HSD17B12: variants seen among roughly 807,000 people sequenced by gnomAD.
HSD17B12 encodes the protein very-long-chain 3-oxoacyl-CoA reductase.
In HSD17B12, 32 loss-of-function variants were observed where a neutral mutation model predicts 39.3. That is an observed-to-expected ratio of 0.81 (90% CI 0.61 to 1.09). The LOEUF is 1.09. Among genes scored for constraint, HSD17B12 ranks in the 50% least tolerant of loss-of-function variants. The pLI, the probability that HSD17B12 is intolerant of heterozygous loss-of-function variation, is 0.00. For missense variants in HSD17B12, 342 were observed against 382.9 expected, an observed-to-expected ratio of 0.89 and a Z score of 0.89; for synonymous variants, 150 against 146.7, an observed-to-expected ratio of 1.02 and a Z score of -0.16.
chr11:43,688,519 A>G (rs566141697), intron 1 of HSD17B12, among the ~76,000 whole-genome samples: 1 of 152,358 alleles, frequency 6.6e-6, no homozygotes, highest in South Asian at 2.1e-4. Flanking sequence ...TTTGTCTACA[A>G]AACAATGCGT....
chr11:43,710,845 C>T (rs897012966), intron 1 of HSD17B12, among the ~76,000 whole-genome samples: 1 of 152,114 alleles, frequency 6.6e-6, no homozygotes, highest in Non-Finnish European at 1.5e-5. Flanking sequence ...GACTGGAGTA[C>T]AGTGGCACGA....
At chr11:43,582,820 T>G in the HSD17B12 span, among the ~76,000 whole-genome samples, 1 of 152,154 alleles carries the variant, frequency 6.6e-6, no homozygotes, top group Non-Finnish European at 1.5e-5. Flanking sequence ...CACTCCAAGC[T>G]CTAAGGCTAA....
At chr11:43,610,573 T>G in the HSD17B12 span, among the ~76,000 whole-genome samples, 1 of 152,192 alleles carries the variant, frequency 6.6e-6, no homozygotes, top group African/African-American at 2.4e-5. Context: ...TTTCCCCATA[T>G]GCAAAATGGA....
the HSD17B12 span, among the ~76,000 whole-genome samples, chr11:43,570,931 G>C: frequency 6.6e-6 from 1 of 152,098 alleles, no homozygotes; most frequent in Non-Finnish European, 1.5e-5. Context: ...TTAACTAATA[G>C]CCTCTCCAAT....
intron 7 of HSD17B12, among the ~76,000 whole-genome samples, chr11:43,837,178 A>T (rs1184761246): frequency 2.0e-5 from 3 of 152,152 alleles, no homozygotes; most frequent in Admixed American, 6.5e-5. Context: ...GGATTATTTC[A>T]TTTCAGATTT....
At chr11:43,635,091 A>T in the HSD17B12 span, among the ~76,000 whole-genome samples, 1 of 152,210 alleles carries the variant, frequency 6.6e-6, no homozygotes, top group Non-Finnish European at 1.5e-5. Flanking sequence ...AAACAGATGA[A>T]GAAAAGATGA....
At chr11:43,812,883 C>G (rs1270353346) in intron 4 of HSD17B12, among the ~76,000 whole-genome samples, 1 of 152,144 alleles carries the variant, frequency 6.6e-6, no homozygotes, top group African/African-American at 2.4e-5. Flanking sequence ...CCTCTGTCAC[C>G]CATGCTGGAG....
At chr11:43,848,785 C>T (rs181342663) in intron 9 of HSD17B12, among the ~76,000 whole-genome samples, 3 of 151,936 alleles carry the variant, frequency 2.0e-5, no homozygotes, top group Non-Finnish European at 2.9e-5. Context: ...TTCCTGTTAC[C>T]CTACCACCTC....
chr11:43,566,000 G>A, the HSD17B12 span, among the ~76,000 whole-genome samples: 1 of 149,412 alleles, frequency 6.7e-6, no homozygotes, highest in Admixed American at 6.8e-5. Context: ...GTCTGTTCTG[G>A]AGAACCCAGC....
At chr11:43,650,247 GT>G in the HSD17B12 span, among the ~76,000 whole-genome samples, 1 of 152,096 alleles carries the variant, frequency 6.6e-6, no homozygotes, top group Non-Finnish European at 1.5e-5. Flanking sequence ...AAGGAGTTTT[GT>G]TTGTTTTTCA....
chr11:43,696,468 ATCATC>A (rs1949912454), intron 1 of HSD17B12, among the ~76,000 whole-genome samples: 1 of 152,266 alleles, frequency 6.6e-6, no homozygotes, highest in Admixed American at 6.5e-5. Context: ...ACAGTGGAAT[ATCATC>A]TCATGCCAGC....
Position 43,818,220 on chromosome 11 carries a change from T to C in HSD17B12, c.501+1829T>C, listed in dbSNP as rs1177978555. 3.3e-5 allele frequency among the ~76,000 whole-genome samples: 5 copies of C among 152,146 alleles called. No individual in the cohort carries two copies. The East Asian group carries it at 5.8e-4, about 18-fold the overall frequency. ...ATTCTTTTCAGTTGAGGAACTTAAA[T>C]GTTGTGATAAGCATTGTACGGGGAA... is the stretch of plus-strand genomic sequence containing the variant. On this transcript the variant is annotated intron_variant, in intron 6 of 10. Coordinates refer to ENST00000278353, the MANE Select transcript of HSD17B12 (RefSeq NM_016142.3).
the HSD17B12 span, among the ~76,000 whole-genome samples, chr11:43,613,195 G>A: frequency 2.8e-4 from 42 of 152,202 alleles, no homozygotes; most frequent in African/African-American, 9.6e-4. Flanking sequence ...CTTGAAGCCA[G>A]GAGTTCAAGA....
chr11:43,846,165 C>T (rs1401443032), intron 9 of HSD17B12, among the ~76,000 whole-genome samples: 1 of 152,192 alleles, frequency 6.6e-6, no homozygotes, highest in Non-Finnish European at 1.5e-5. Context: ...TACTTTATGC[C>T]TTAATCTCCC....
chr11:43,790,457 G>T (rs1475571994), intron 3 of HSD17B12, among the ~76,000 whole-genome samples: 2 of 152,160 alleles, frequency 1.3e-5, no homozygotes, highest in African/African-American at 4.8e-5. Flanking sequence ...AGTCCCCCCC[G>T]TGTCTGCAGG....
At chr11:43,660,248 G>T in the HSD17B12 span, among the ~76,000 whole-genome samples, 3 of 152,086 alleles carry the variant, frequency 2.0e-5, no homozygotes, top group Non-Finnish European at 4.4e-5. Context: ...CCTCTCTCAT[G>T]CATGGTTGTC....
intron 4 of HSD17B12, among the ~76,000 whole-genome samples, chr11:43,810,367 TTATATATATATATATATATATA>T (rs59970877): frequency 2.3e-4 from 14 of 59,666 alleles, no homozygotes; most frequent in South Asian, 1.3e-3. Context: ...AATTTAGAAA[TTATATATATATATATATATATA>T]TATATATATA....
At chr11:43,717,417 C>T (rs1290046392) in intron 1 of HSD17B12, among the ~76,000 whole-genome samples, 1 of 152,204 alleles carries the variant, frequency 6.6e-6, no homozygotes, top group Non-Finnish European at 1.5e-5. Context: ...ATTATTCAGA[C>T]TAGCCTTTTC....
intron 6 of HSD17B12, among the ~76,000 whole-genome samples, chr11:43,820,073 A>G (rs1951166523): frequency 6.6e-6 from 1 of 152,150 alleles, no homozygotes. Context: ...ACAGTTGACT[A>G]GTGACCATTC....
Sources: gnomAD v4.1 joint callset for allele counts (sites outside exome capture counted in the v4.1 genomes callset) on GRCh38, gnomAD v4.1.1 for gene constraint, MANE v1.5 for transcripts, NCBI Gene and HGNC (gene_info 2026-07-23, HGNC 2026-07-21) for gene names.